Variants in SLC22A4 observed in about 807,000 individuals in gnomAD.
SLC22A4 encodes solute carrier family 22 member 4.
SLC22A4 carries 39 observed loss-of-function variants against 56.6 expected under a neutral mutation model. The ratio of observed to expected loss-of-function variants is 0.69; its 90% confidence interval spans 0.53 to 0.90. The LOEUF (loss-of-function observed/expected upper bound fraction) is 0.90. Among genes scored for constraint, SLC22A4 ranks in the 40% least tolerant of loss-of-function variants. SLC22A4 has a pLI of 0.00. For missense variants in SLC22A4, 594 were observed against 696.5 expected (o/e 0.85, Z 1.66); for synonymous variants, 241 against 281.4 (o/e 0.86, Z 1.44).
At chr5:132,328,365 A>G (rs1750738896) in intron 5 of SLC22A4, among the ~76,000 whole-genome samples, 1 of 152,186 alleles carries the variant, frequency 6.6e-6, no homozygotes, top group African/African-American at 2.4e-5. Context: ...AACTCTGTAG[A>G]GGACGGTGGG....
intron 3 of SLC22A4, among the ~76,000 whole-genome samples, 177 bp downstream of exon 3, chr5:132,313,945 G>A (rs1431572466): frequency 6.6e-6 from 1 of 152,200 alleles, no homozygotes; most frequent in East Asian, 1.9e-4. Context: ...CACTCGCAGG[G>A]AGCCACCTCT....
chr5:132,301,610 A>T lies in SLC22A4; in HGVS notation c.393+6601A>T, dbSNP rs193045349. ...CCATAACCCAGAGGCGAGCCAGGTT[A>T]TGTGGCGAAGGATAAGGCCTCTTCC... On this transcript the variant is annotated intron_variant, in intron 1 of 9. Coordinates refer to ENST00000200652, the MANE Select transcript of SLC22A4 (RefSeq NM_003059.3). Among the ~76,000 whole-genome samples the T allele has an allele frequency of 8.3e-4, 126 of 152,356 alleles. 2 individuals are homozygous for T. The East Asian group carries it at 0.019, about 23-fold the overall frequency.
At chr5:132,335,595 G>C (rs1029057743) in intron 7 of SLC22A4, among the ~76,000 whole-genome samples, 2 of 152,150 alleles carry the variant, frequency 1.3e-5, no homozygotes, top group Non-Finnish European at 2.9e-5. Context: ...ATGCATTAAT[G>C]ACCTAGAATA....
intron 9 of SLC22A4, among the ~76,000 whole-genome samples, chr5:132,341,777 ATC>A (rs1751226978): frequency 6.6e-6 from 1 of 151,932 alleles, no homozygotes; most frequent in Non-Finnish European, 1.5e-5. Flanking sequence ...GTGAAACCCC[ATC>A]TCTACTAAAA....
At chr5:132,314,188 G>A (rs796551010) in intron 3 of SLC22A4, among the ~76,000 whole-genome samples, 8 of 152,142 alleles carry the variant, frequency 5.3e-5, no homozygotes, top group Admixed American at 1.3e-4. Flanking sequence ...TACACAGGTG[G>A]GGAGGCTCAT....
intron 2 of SLC22A4, 65 bp from the exon 3 acceptor site, chr5:132,313,549 C>A: frequency 6.8e-7 from 1 of 1,466,478 alleles, no homozygotes; most frequent in Non-Finnish European, 9.6e-7. Context: ...ATGCCTGACT[C>A]AGGGCTTGCA....
chr5:132,303,542 C>A (rs116798543), intron 1 of SLC22A4, among the ~76,000 whole-genome samples: 12 of 152,228 alleles, frequency 7.9e-5, no homozygotes, highest in African/African-American at 2.9e-4. Context: ...CAGCAGCCCA[C>A]CAAGAGGGAC....
intron 4 of SLC22A4, chr5:132,324,688 T>G: frequency 2.3e-6 from 1 of 428,454 alleles, no homozygotes; most frequent in South Asian, 1.8e-5. Flanking sequence ...GGTTGGGGTA[T>G]GGAGGGATGC....
intron 8 of SLC22A4, among the ~76,000 whole-genome samples, chr5:132,336,801 G>A (rs1460820412): frequency 6.6e-6 from 1 of 151,310 alleles, no homozygotes; most frequent in African/African-American, 2.4e-5. Flanking sequence ...ATGTGTGTGT[G>A]TACATAATGT....
intron 1 of SLC22A4, among the ~76,000 whole-genome samples, chr5:132,303,743 C>T (rs1021696909): frequency 6.6e-6 from 1 of 152,206 alleles, no homozygotes; most frequent in Admixed American, 6.5e-5. Context: ...TATCCCAGCT[C>T]ATTCATACGG....
At chr5:132,303,220 C>T (rs1749945911) in intron 1 of SLC22A4, among the ~76,000 whole-genome samples, 1 of 152,206 alleles carries the variant, frequency 6.6e-6, no homozygotes, top group East Asian at 1.9e-4. Flanking sequence ...GATTCTGAGA[C>T]TTCGAAGTTA....
At chr5:132,332,095 C>T (rs1750874513) in intron 6 of SLC22A4, 1 of 450,580 alleles carries the variant, frequency 2.2e-6, no homozygotes, top group South Asian at 2.2e-5. Context: ...GGGCAGATCA[C>T]CTGAGGTCAG....
At chr5:132,340,063 GTTTTTTTTTTTTT>G (rs4646203) in intron 8 of SLC22A4, among the ~76,000 whole-genome samples, 1 of 94,868 alleles carries the variant, frequency 1.1e-5, no homozygotes, top group Non-Finnish European at 2.1e-5. Context: ...ATACTTAGTT[GTTTTTTTTTTTTT>G]TTTTTTTTTT....
rs535556013 is a variant in SLC22A4 at position 132,313,503 on chromosome 5, C to A, written c.498-111C>A. On this transcript the variant is annotated intron_variant, in intron 2 of 9. Transcript: ENST00000200652. ...GGGAGGATGTGACAGAGAAAAAAGT[C>A]TGCCAGAGCCCTGAAAAAACACTAA... 5.1e-6 allele frequency: 5 copies of A among 971,378 alleles called. No homozygotes were observed. In the East Asian group the frequency reaches 1.2e-4, roughly 23 times the overall value. The allele number at this position is 971,378 out of a possible 1,614,324, so 60.2% of individuals were successfully genotyped here.
At chr5:132,331,513 C>T (rs565949830) in intron 5 of SLC22A4, among the ~76,000 whole-genome samples, 14 of 152,204 alleles carry the variant, frequency 9.2e-5, no homozygotes, top group Admixed American at 3.9e-4. Context: ...CTTTGTCTAA[C>T]GAGACAGGGA....
intron 5 of SLC22A4, 142 bp downstream of exon 5, chr5:132,327,545 C>T (rs1285274065): frequency 1.9e-5 from 13 of 675,972 alleles, no homozygotes; most frequent in Admixed American, 4.8e-5. Flanking sequence ...TGATTAAATT[C>T]TAAGATAAAA....
intron 1 of SLC22A4, among the ~76,000 whole-genome samples, chr5:132,302,698 C>G (rs1229341060): frequency 6.6e-6 from 1 of 152,226 alleles, no homozygotes; most frequent in African/African-American, 2.4e-5. Flanking sequence ...GCCATTTGCT[C>G]ATGTTCCCCT....
chr5:132,339,961 T>G (rs1751154836), intron 8 of SLC22A4, among the ~76,000 whole-genome samples: 1 of 152,168 alleles, frequency 6.6e-6, no homozygotes, highest in African/African-American at 2.4e-5. Flanking sequence ...GACATGTAAG[T>G]GCTCCAAAAA....
chr5:132,330,120 T>G (rs1189678960), intron 5 of SLC22A4, among the ~76,000 whole-genome samples: 3 of 152,150 alleles, frequency 2.0e-5, no homozygotes, highest in Non-Finnish European at 4.4e-5. Context: ...ATCCAAATAG[T>G]GCAAGAGAGA....
Sources: allele counts gnomAD v4.1 joint callset (sites outside exome capture counted in the v4.1 genomes callset), GRCh38; gene constraint gnomAD v4.1.1; transcripts MANE v1.5; gene names NCBI Gene and HGNC (gene_info 2026-07-23, HGNC 2026-07-21).